Variants in JARID2 observed in about 807,000 individuals in gnomAD.
JARID2 encodes the protein protein Jumonji.
Under a neutral mutation model 125.6 loss-of-function variants are expected in JARID2, and 21 were observed. The observed-to-expected ratio is 0.17, with a 90% CI of 0.12 to 0.24. The LOEUF (loss-of-function observed/expected upper bound fraction) is 0.24, where lower values mean the gene tolerates loss of function less well. Among genes scored for constraint, JARID2 ranks in the 10% least tolerant of loss-of-function variants. The probability of loss-of-function intolerance (pLI) is 1.00; values close to 1 mark genes in which losing one functional copy is unlikely to be tolerated. For missense variants in JARID2, 1,303 were observed against 1,639.6 expected (o/e 0.79, Z 3.55); for synonymous variants, 736 against 661.6 (o/e 1.11, Z -1.73).
chr6:15,502,909 C>A (rs1397218992), intron 8 of JARID2, among the ~76,000 whole-genome samples: 1 of 152,234 alleles, frequency 6.6e-6, no homozygotes, highest in Non-Finnish European at 1.5e-5. Flanking sequence ...GAATGTTTTA[C>A]TGAGAAGCCT....
At chr6:15,456,303 A>C (rs373646810) in intron 4 of JARID2, among the ~76,000 whole-genome samples, 1 of 152,246 alleles carries the variant, frequency 6.6e-6, no homozygotes, top group Admixed American at 6.5e-5. Flanking sequence ...TTGAAGTTTC[A>C]GGATTCCAGA....
chr6:15,476,111 A>AG (rs1769330819), intron 5 of JARID2, among the ~76,000 whole-genome samples: 1 of 152,200 alleles, frequency 6.6e-6, no homozygotes, highest in Admixed American at 6.5e-5. Flanking sequence ...TCCTCCCCAG[A>AG]GGGATCACCC....
intron 1 of JARID2, among the ~76,000 whole-genome samples, chr6:15,327,969 T>C (rs1043112703): frequency 6.6e-6 from 1 of 152,150 alleles, no homozygotes; most frequent in Non-Finnish European, 1.5e-5. Flanking sequence ...ATCTTGTTTG[T>C]TTTCAGAGAA....
In JARID2 at chr6:15,381,341, C is replaced by CCAAAAAA. The variant is rs70996539; in HGVS notation, c.181+7089_181+7090insCAAAAAA. ...GGGCGACAGAGGGAGACTCCTGTCT[C>CCAAAAAA]AAAAAAAAAAAAAAAAAAAAAAGTG... On this transcript the variant is annotated intron_variant, in intron 2 of 17. Transcript: ENST00000341776. Among the ~76,000 whole-genome samples, 132 of 92,938 alleles carry CCAAAAAA rather than the reference C, an allele frequency of 1.4e-3. 2 individuals carry two copies. Among genetic ancestry groups the CCAAAAAA allele is most frequent in the South Asian group, 5.6e-3 (16 of 2,860 alleles). 61.0% of individuals were successfully genotyped at this position (92,938 alleles called of 152,430 possible).
At chr6:15,282,201 C>G (rs761884746) in intron 1 of JARID2, among the ~76,000 whole-genome samples, 50 of 152,022 alleles carry the variant, frequency 3.3e-4, no homozygotes, top group Non-Finnish European at 6.2e-4. Flanking sequence ...CCTTGGCATC[C>G]CAAAGTGCTG....
At chr6:15,494,507 C>T (rs1263234714) in intron 6 of JARID2, among the ~76,000 whole-genome samples, 1 of 149,128 alleles carries the variant, frequency 6.7e-6, no homozygotes, top group African/African-American at 2.5e-5. Context: ...CTCCTGGGTT[C>T]ACGCCGTTCT....
intron 1 of JARID2, among the ~76,000 whole-genome samples, chr6:15,259,759 TTTTTTG>T (rs1581334884): frequency 6.6e-6 from 1 of 152,206 alleles, no homozygotes; most frequent in East Asian, 1.9e-4. Flanking sequence ...CTGGTTACAT[TTTTTTG>T]ATGGGGGTTA....
chr6:15,516,771 C>T (rs1030987999), intron 16 of JARID2, among the ~76,000 whole-genome samples: 1 of 152,164 alleles, frequency 6.6e-6, no homozygotes, highest in Non-Finnish European at 1.5e-5. Flanking sequence ...GTTTCAAACA[C>T]AGGATCTCAG....
intron 3 of JARID2, among the ~76,000 whole-genome samples, chr6:15,430,186 C>T (rs1305575619): frequency 1.3e-5 from 2 of 152,186 alleles, no homozygotes; most frequent in Non-Finnish European, 2.9e-5. Context: ...TTAAATATAT[C>T]TGACGTTCTT....
intron 6 of JARID2, among the ~76,000 whole-genome samples, chr6:15,491,887 C>G (rs1770166081): frequency 6.6e-6 from 1 of 152,186 alleles, no homozygotes; most frequent in Admixed American, 6.5e-5. Context: ...TTATTAAGAA[C>G]AAAGTCAGGT....
At chr6:15,291,182 C>T (rs1332127444) in intron 1 of JARID2, among the ~76,000 whole-genome samples, 2 of 152,100 alleles carry the variant, frequency 1.3e-5, no homozygotes, top group Non-Finnish European at 2.9e-5. Context: ...CTGTTGTGAG[C>T]CGTGATTGCA....
At chr6:15,365,450 C>T (rs1581461216) in intron 1 of JARID2, among the ~76,000 whole-genome samples, 1 of 152,260 alleles carries the variant, frequency 6.6e-6, no homozygotes, top group African/African-American at 2.4e-5. Flanking sequence ...CATGCTGCTG[C>T]CTTGACGACG....
chr6:15,397,313 A>G (rs541457316), intron 2 of JARID2, among the ~76,000 whole-genome samples: 4 of 152,362 alleles, frequency 2.6e-5, no homozygotes, highest in Non-Finnish European at 5.9e-5. Context: ...ATCATTACAA[A>G]TACATGGCTG....
rs578199908 is a variant in JARID2, at chr6:15,506,107, A to G, written c.2542-1029A>G. On this transcript the variant is annotated intron_variant, in intron 9 of 17. Coordinates refer to ENST00000341776, the MANE Select transcript of JARID2 (RefSeq NM_004973.4). Reference sequence around the variant, plus strand: ...GTAAATATTTAAACACAAAGGGGAGATTTGCTAGAATTTAAACTTCAGGCC... The same window carrying G: ...GTAAATATTTAAACACAAAGGGGAGGTTTGCTAGAATTTAAACTTCAGGCC... Among the ~76,000 whole-genome samples, 3 of 152,290 alleles carry G rather than the reference A, an allele frequency of 2.0e-5. 1 individual carries two copies. The highest frequency in any genetic ancestry group is 4.4e-5 in the Non-Finnish European group (3 of 68,020).
At chr6:15,434,118 C>T (rs1767098910) in intron 3 of JARID2, among the ~76,000 whole-genome samples, 1 of 151,140 alleles carries the variant, frequency 6.6e-6, no homozygotes, top group South Asian at 2.1e-4. Context: ...TCTGTCTCCA[C>T]CCTTCACTGT....
rs139266613 is a variant in JARID2 at position 15,331,603 on chromosome 6, C to T, written c.46-42514C>T. On this transcript the variant is annotated intron_variant, in intron 1 of 17. Transcript: ENST00000341776. ...GTGGGGGGCCGGGTGCAGTGGCTCA[C>T]GTCTGTAATCCCAGCACTTTGGGAG... Among the ~76,000 whole-genome samples the T allele has an allele frequency of 2.2e-3, 328 of 152,136 alleles. 4 individuals are homozygous for T. In the East Asian group the frequency reaches 0.035, roughly 16 times the overall value.
intron 3 of JARID2, among the ~76,000 whole-genome samples, chr6:15,416,137 G>A (rs1363464158): frequency 2.6e-5 from 4 of 151,844 alleles, no homozygotes; most frequent in Non-Finnish European, 5.9e-5. Context: ...GATGGCGGCC[G>A]GGAAGAGGCG....
chr6:15,249,362 T>C (rs1246132393), intron 1 of JARID2, among the ~76,000 whole-genome samples: 1 of 152,064 alleles, frequency 6.6e-6, no homozygotes, highest in Non-Finnish European at 1.5e-5. Flanking sequence ...CTGTGCCGGC[T>C]CTGTACCTAC....
Position 15,282,235 on chromosome 6 carries a change from G to A in JARID2, c.45+35651G>A, listed in dbSNP as rs544919775. ...TGAGATTACAGGCGTGAGCCACAGC[G>A]CCTGTCATGTGCTGTTTTAGAGTAG... On this transcript the variant is annotated intron_variant, in intron 1 of 17. Transcript: ENST00000341776. 3.3e-5 allele frequency among the ~76,000 whole-genome samples: 5 copies of A among 152,152 alleles called. No individual in the cohort carries two copies. The East Asian group carries it at 5.8e-4, about 18-fold the overall frequency.
Sources: allele counts gnomAD v4.1 joint callset (sites outside exome capture counted in the v4.1 genomes callset), GRCh38; gene constraint gnomAD v4.1.1; transcripts MANE v1.5; gene names NCBI Gene and HGNC (gene_info 2026-07-23, HGNC 2026-07-21).